The following CHST9 variants were observed in gnomAD, a reference collection of about 807,000 sequenced individuals.
CHST9 encodes carbohydrate sulfotransferase 9.
A neutral mutation model predicts 44.4 loss-of-function variants in CHST9; 41 were observed. The ratio of observed to expected loss-of-function variants is 0.92; its 90% CI spans 0.72 to 1.20. The LOEUF is 1.20. Ranked by LOEUF, CHST9 falls within the 50% of genes most tolerant of loss-of-function variation. The pLI is 0.00. For missense variants in CHST9, 504 were observed against 516.5 expected (o/e 0.98, Z 0.23); for synonymous variants, 171 against 178.4 (o/e 0.96, Z 0.33).
At chr18:27,134,059 G>A (rs957561299) in intron 2 of CHST9, among the ~76,000 whole-genome samples, 1 of 152,122 alleles carries the variant, frequency 6.6e-6, no homozygotes, top group Admixed American at 6.5e-5. Context: ...TGTAAAAAAT[G>A]GCTTTGTTCT....
chr18:27,127,834 G>T (rs2058438025), intron 2 of CHST9, among the ~76,000 whole-genome samples: 1 of 152,134 alleles, frequency 6.6e-6, no homozygotes, highest in African/African-American at 2.4e-5. Flanking sequence ...TGAGAGGGGA[G>T]CCAGGCATGA....
intron 2 of CHST9, among the ~76,000 whole-genome samples, chr18:27,057,155 C>A (rs2143598302): frequency 6.6e-6 from 1 of 152,328 alleles, no homozygotes; most frequent in East Asian, 1.9e-4. Flanking sequence ...GTAGTAGAAT[C>A]TTGAACAAGT....
In CHST9 at chr18:26,909,010, T is replaced by C. The variant is rs1246934979; in HGVS notation, c.*7249A>G. The stretch of plus-strand genomic sequence containing the variant: ...AATTGCCTTCAGTACACATTTGTCT[T>C]TTATATTTCAAACAGAGGAAAGTTT... On this transcript the variant is annotated 3_prime_UTR_variant, in exon 6 of 6. Coordinates refer to ENST00000618847, the MANE Select transcript of CHST9 (RefSeq NM_031422.6). 6.6e-6 allele frequency: 1 copy of C among 152,246 alleles called. No individual in the cohort carries two copies. Among genetic ancestry groups the C allele is most frequent in the Non-Finnish European group, 1.5e-5 (1 of 68,050 alleles). The allele number at this position is 152,246 out of a possible 1,614,324, so 9.4% of individuals were successfully genotyped here. A position where few individuals can be genotyped will look rare whatever the true frequency, so the allele number is the denominator to read the frequency against.
At chr18:27,099,358 A>G (rs1329812262) in intron 2 of CHST9, among the ~76,000 whole-genome samples, 1 of 152,200 alleles carries the variant, frequency 6.6e-6, no homozygotes, top group Non-Finnish European at 1.5e-5. Context: ...TAAACTAAAG[A>G]GCTTCTGCAC....
intron 4 of CHST9, among the ~76,000 whole-genome samples, chr18:26,992,675 T>G (rs887668198): frequency 6.6e-6 from 1 of 152,144 alleles, no homozygotes; most frequent in East Asian, 1.9e-4. Context: ...GACCTTATAT[T>G]TGGTATTGAC....
intron 2 of CHST9, among the ~76,000 whole-genome samples, chr18:27,126,630 A>G (rs572770983): frequency 2.5e-4 from 38 of 152,284 alleles, no homozygotes; most frequent in African/African-American, 8.9e-4. Flanking sequence ...AAATGAGCCT[A>G]AAGAGTTAGG....
chr18:26,935,993 C>G (rs1170290031), intron 5 of CHST9: 1 of 152,172 alleles, frequency 6.6e-6, no homozygotes, highest in African/African-American at 2.4e-5. Flanking sequence ...AGGTAGAAAA[C>G]TCTCCAGGGT....
intron 2 of CHST9, among the ~76,000 whole-genome samples, chr18:27,054,195 A>G (rs890291893): frequency 1.3e-5 from 2 of 152,220 alleles, no homozygotes; most frequent in Non-Finnish European, 2.9e-5. Context: ...TACAACCAAG[A>G]ATAGAGCTTT....
At chr18:27,048,692 A>C (rs952727690) in intron 2 of CHST9, among the ~76,000 whole-genome samples, 189 bp from the exon 3 acceptor site, 9 of 152,190 alleles carry the variant, frequency 5.9e-5, no homozygotes, top group Non-Finnish European at 8.8e-5. Context: ...TATGAAAGTA[A>C]AAAATAAATA....
intron 4 of CHST9, among the ~76,000 whole-genome samples, chr18:26,985,490 C>T (rs975925577): frequency 6.6e-6 from 1 of 152,206 alleles, no homozygotes; most frequent in African/African-American, 2.4e-5. Flanking sequence ...CCCAGTTTAC[C>T]AACTTGAGTT....
chr18:26,955,744 G>A (rs1161427262), intron 4 of CHST9, among the ~76,000 whole-genome samples: 3 of 152,128 alleles, frequency 2.0e-5, no homozygotes, highest in South Asian at 2.1e-4. Context: ...ACATATCCAT[G>A]CTTTGGAGGG....
intron 4 of CHST9, among the ~76,000 whole-genome samples, chr18:26,962,591 T>C (rs756985329): frequency 6.6e-5 from 10 of 152,246 alleles, no homozygotes; most frequent in Non-Finnish European, 1.3e-4. Flanking sequence ...GCGCTCAGCA[T>C]TGTAGTCTCT....
intron 2 of CHST9, among the ~76,000 whole-genome samples, chr18:27,051,040 C>T (rs950637830): frequency 5.3e-5 from 8 of 152,218 alleles, no homozygotes; most frequent in Non-Finnish European, 1.2e-4. Context: ...TGTGTAATCC[C>T]ACTGAATTAG....
chr18:27,132,393 T>G (rs1160861479), intron 2 of CHST9, among the ~76,000 whole-genome samples: 2 of 152,200 alleles, frequency 1.3e-5, no homozygotes, highest in Non-Finnish European at 2.9e-5. Context: ...AGGATATCCC[T>G]GGAGAAAATC....
intron 2 of CHST9, among the ~76,000 whole-genome samples, chr18:27,137,824 T>C (rs185901930): frequency 1.3e-5 from 2 of 152,310 alleles, no homozygotes; most frequent in Middle Eastern, 3.4e-3. Context: ...GAGTTCCATA[T>C]AGCAGTAAGA....
At chr18:26,976,662 C>T (rs1453189203) in intron 4 of CHST9, among the ~76,000 whole-genome samples, 17 of 152,130 alleles carry the variant, frequency 1.1e-4, no homozygotes. Flanking sequence ...AAGTCCTTCT[C>T]TACCGTGGAT....
At chr18:26,939,952 G>A (rs1335866875) in intron 5 of CHST9, among the ~76,000 whole-genome samples, 3 of 152,162 alleles carry the variant, frequency 2.0e-5, no homozygotes, top group Non-Finnish European at 2.9e-5. Context: ...TCCCCAAGCA[G>A]AGGGGAAGGT....
At chr18:26,973,412 C>T (rs1440960116) in intron 4 of CHST9, among the ~76,000 whole-genome samples, 6 of 152,220 alleles carry the variant, frequency 3.9e-5, no homozygotes, top group Middle Eastern at 3.4e-3. Flanking sequence ...GGCGAAGGTG[C>T]GGAACAGTGC....
At chr18:27,052,060 T>A (rs1312147753) in intron 2 of CHST9, among the ~76,000 whole-genome samples, 2 of 152,100 alleles carry the variant, frequency 1.3e-5, no homozygotes, top group Non-Finnish European at 2.9e-5. Flanking sequence ...CTTTTTTTTA[T>A]GAATACCTCA....
Sources: allele counts gnomAD v4.1 joint callset (sites outside exome capture counted in the v4.1 genomes callset), GRCh38; gene constraint gnomAD v4.1.1; transcripts MANE v1.5; gene names NCBI Gene and HGNC (gene_info 2026-07-23, HGNC 2026-07-21).